ARHGAP12: variants seen among roughly 807,000 people sequenced by gnomAD.
The protein encoded by ARHGAP12 is Rho GTPase activating protein 12, also known as rho GTPase-activating protein 12.
In ARHGAP12, 64 loss-of-function variants were observed where a neutral mutation model predicts 108.6. The observed-to-expected ratio is 0.59, with a 90% confidence interval of 0.48 to 0.73. The LOEUF (loss-of-function observed/expected upper bound fraction) is 0.73, where lower values mean the gene tolerates loss of function less well. Ranked by LOEUF, ARHGAP12 falls within the 30% of genes least tolerant of loss-of-function variation. The probability of loss-of-function intolerance (pLI) is 0.00; values close to 1 mark genes in which losing one functional copy is unlikely to be tolerated. For missense variants in ARHGAP12, 940 were observed against 1,005.9 expected (o/e 0.93, Z 0.89); for synonymous variants, 312 against 337.2 (o/e 0.93, Z 0.82).
chr10:31,826,449 A>C (rs1835613217), intron 10 of ARHGAP12, 64 bp from the exon 11 acceptor site: 9 of 1,321,126 alleles, frequency 6.8e-6, no homozygotes, highest in Non-Finnish European at 9.6e-6. Context: ...AATTCAAAAA[A>C]TTAAGACCTA....
At chr10:31,904,689 C>T (rs893962067) in intron 3 of ARHGAP12, among the ~76,000 whole-genome samples, 6 of 152,128 alleles carry the variant, frequency 3.9e-5, no homozygotes, top group African/African-American at 1.4e-4. Context: ...TGCAATGGTG[C>T]AATCTCGGGT....
chr10:31,861,504 C>A lies in ARHGAP12; in HGVS notation c.839G>T (p.Arg280Leu). Residue 280 changes from arginine (R) to leucine (L), a missense_variant, in exon 4 of 20, where the codon CGT becomes CTT. Transcript: ENST00000344936. ...EWETHKDSSG[R>L]CYYYNRGTQE... ...TGTCCCTCTGTTATAGTAATAGCAA[C>A]GCCCTGAGCTGTCTTTATGAGTTTC... 1 of 1,614,094 alleles carries A rather than the reference C, an allele frequency of 6.2e-7. No homozygotes were observed. The highest frequency in any genetic ancestry group is 8.5e-7 in the Non-Finnish European group (1 of 1,180,022).
rs1305983316 is a variant in ARHGAP12, at chr10:31,866,363, T to C, written c.685-4705A>G. On this transcript the variant is annotated intron_variant, in intron 3 of 19. Coordinates refer to ENST00000344936, the MANE Select transcript of ARHGAP12 (RefSeq NM_018287.7). Reference sequence around the variant, plus strand: ...CCATAAACTAGAAAAGCGAGTAAAATACAGAAAACAAGTATTGTGAGGCAT... The same window carrying C: ...CCATAAACTAGAAAAGCGAGTAAAACACAGAAAACAAGTATTGTGAGGCAT... Among the ~76,000 whole-genome samples the C allele has an allele frequency of 2.0e-5, 3 of 152,136 alleles. No homozygotes were observed. The South Asian group carries it at 6.2e-4, about 32-fold the overall frequency.
In ARHGAP12 at chr10:31,864,769, AT is replaced by A. The variant is rs544298756; in HGVS notation, c.685-3112del. Among the ~76,000 whole-genome samples the A allele has an allele frequency of 3.5e-4, 53 of 151,628 alleles. 1 individual carries two copies. The South Asian group carries it at 0.011, about 31-fold the overall frequency. On this transcript the variant is annotated intron_variant, in intron 3 of 19. Transcript: ENST00000344936. The stretch of plus-strand genomic sequence containing the variant: ...TAAGATAGAAACTATTGACAAATGA[AT>A]TGAGCATCATGTACTCAAGCTAGGT...
intron 4 of ARHGAP12, among the ~76,000 whole-genome samples, chr10:31,858,370 T>C (rs374943214): frequency 6.6e-6 from 1 of 152,160 alleles, no homozygotes; most frequent in South Asian, 2.1e-4. Context: ...AGATCCTATA[T>C]GGCTTCAAGG....
rs1312451271 is a variant in ARHGAP12, at chr10:31,807,600, A to T, written c.*58T>A. Reference sequence around the variant, plus strand: ...CCAAAAAATAAAATACATTGTGTATAAACATTTGAAATCTGATGGAATCCA... The same window carrying T: ...CCAAAAAATAAAATACATTGTGTATTAACATTTGAAATCTGATGGAATCCA... On this transcript the variant is annotated 3_prime_UTR_variant, in exon 20 of 20. Coordinates refer to ENST00000344936, the MANE Select transcript of ARHGAP12 (RefSeq NM_018287.7). 6.6e-7 allele frequency: 1 copy of T among 1,522,152 alleles called. No homozygotes were observed. The highest frequency in any genetic ancestry group is 1.4e-5 in the African/African-American group (1 of 70,690). The allele number at this position is 1,522,152 out of a possible 1,614,324, so 94.3% of individuals were successfully genotyped here.
intron 1 of ARHGAP12, among the ~76,000 whole-genome samples, chr10:31,922,035 C>CA (rs1479268984): frequency 1.3e-5 from 2 of 150,890 alleles, no homozygotes; most frequent in Non-Finnish European, 1.5e-5. Context: ...ACCAAAAATA[C>CA]AAAAAATTAG....
At chr10:31,877,059 C>A (rs548180570) in intron 3 of ARHGAP12, among the ~76,000 whole-genome samples, 82 of 152,320 alleles carry the variant, frequency 5.4e-4, no homozygotes, top group African/African-American at 1.9e-3. Context: ...TTTCATCAGG[C>A]ATCTCAATAT....
intron 2 of ARHGAP12, among the ~76,000 whole-genome samples, chr10:31,909,436 G>A (rs559205001): frequency 2.7e-3 from 406 of 152,284 alleles, no homozygotes; most frequent in Non-Finnish European, 5.0e-3. Context: ...GTTCCCACCT[G>A]TTTGGGGATG....
intron 3 of ARHGAP12, among the ~76,000 whole-genome samples, chr10:31,901,088 C>G (rs1838898021): frequency 1.3e-5 from 2 of 150,624 alleles, no homozygotes; most frequent in South Asian, 4.2e-4. Flanking sequence ...CACGGTGGTG[C>G]ACCTGTAATC....
intron 8 of ARHGAP12, 63 bp downstream of exon 8, chr10:31,839,574 A>C: frequency 7.0e-7 from 1 of 1,421,630 alleles, no homozygotes; most frequent in South Asian, 1.3e-5. Flanking sequence ...AGAGTAAATT[A>C]ACTTGCTAAA....
In ARHGAP12 at chr10:31,807,790, A is replaced by C; in HGVS notation, c.2409T>G (p.Ser803Arg). ...NGEKNRMTYQ[S>R]IAIVFGPTLL... ...GAGTGGGACCAAAAACAATTGCTAT[A>C]CTCTGATAGGTCATTCGATTTTTCT... Residue 803 changes from serine (S) to arginine (R), a missense_variant, in exon 20 of 20, where the codon AGT (serine) becomes AGG (arginine). Ser to Arg is a moderately radical substitution (Grantham distance 110). Coordinates refer to ENST00000344936, the MANE Select transcript of ARHGAP12 (RefSeq NM_018287.7). The C allele has an allele frequency of 6.3e-7, 1 of 1,591,204 alleles. No individual in the cohort carries two copies.
intron 3 of ARHGAP12, among the ~76,000 whole-genome samples, chr10:31,880,897 CAAA>C (rs139344366): frequency 2.2e-5 from 3 of 133,954 alleles, no homozygotes; most frequent in Admixed American, 7.4e-5. Context: ...TTGACTCTAC[CAAA>C]AAAAAAAAAA....
rs189378159 is a variant in ARHGAP12 at position 31,866,900 on chromosome 10, T to C, written c.685-5242A>G. On this transcript the variant is annotated intron_variant, in intron 3 of 19. Coordinates refer to ENST00000344936, the MANE Select transcript of ARHGAP12 (RefSeq NM_018287.7). ...CCCAAAATGCTGGGATTAACAGGCGTGAGCCACCGTGCCCAGTCCCTAATT... is the reference window on the plus strand; with the variant it reads ...CCCAAAATGCTGGGATTAACAGGCGCGAGCCACCGTGCCCAGTCCCTAATT... Among the ~76,000 whole-genome samples, 457 of 152,262 alleles carry C rather than the reference T, an allele frequency of 3.0e-3. 5 individuals are homozygous for C. The highest frequency in any genetic ancestry group is 2.5e-3 in the Non-Finnish European group (172 of 68,024).
intron 1 of ARHGAP12, among the ~76,000 whole-genome samples, chr10:31,911,754 T>C (rs1839359337): frequency 6.6e-6 from 1 of 152,200 alleles, no homozygotes; most frequent in Non-Finnish European, 1.5e-5. Context: ...ATACACAATG[T>C]CACCTACGTT....
Position 31,843,567 on chromosome 10 carries a change from T to C in ARHGAP12, c.1190A>G (p.Gln397Arg). 6.2e-7 allele frequency: 1 copy of C among 1,607,822 alleles called. No homozygotes were observed. Among genetic ancestry groups the C allele is most frequent in the Non-Finnish European group, 8.5e-7 (1 of 1,178,296 alleles). The change falls in exon 7 of 20, where the codon CAG (glutamine) becomes CGG (arginine). Residue 397 changes from glutamine to arginine, a missense_variant. Transcript: ENST00000344936. ...ELPKYNASSQ[Q>R]QREIIKSRSL... ...CCTACTTTTAATTATTTCTCTTTGC[T>C]GCTGGGATGAAGCATTATACTAAAA... is the stretch of plus-strand genomic sequence containing the variant.
At chr10:31,921,810 T>C (rs938138494) in intron 1 of ARHGAP12, among the ~76,000 whole-genome samples, 5 of 111,104 alleles carry the variant, frequency 4.5e-5, no homozygotes, top group Non-Finnish European at 7.8e-5. Flanking sequence ...AGAAAAGATA[T>C]GAAAAAGATG....
chr10:31,861,295 C>T, intron 4 of ARHGAP12, 100 bp downstream of exon 4: 3 of 1,381,664 alleles, frequency 2.2e-6, no homozygotes, highest in Non-Finnish European at 2.9e-6. Context: ...CGTGTTTTAA[C>T]ATGCTGACAG....
At chr10:31,927,692 G>A (rs909019722) in intron 1 of ARHGAP12, among the ~76,000 whole-genome samples, 1 of 152,188 alleles carries the variant, frequency 6.6e-6, no homozygotes, top group African/African-American at 2.4e-5. Flanking sequence ...TCAACGTCGT[G>A]CTTTAGCCTT....
Sources: gnomAD v4.1 joint callset for allele counts (sites outside exome capture counted in the v4.1 genomes callset) on GRCh38, gnomAD v4.1.1 for gene constraint, MANE v1.5 for transcripts, NCBI Gene and HGNC (gene_info 2026-07-23, HGNC 2026-07-21) for gene names.